FAM24B: variants seen among roughly 807,000 people sequenced by gnomAD.
FAM24B encodes the protein family with sequence similarity 24 member B.
FAM24B carries 3 observed loss-of-function variants against 2.3 expected under a neutral mutation model. The ratio of observed to expected loss-of-function variants is 1.29; its 90% CI spans 0.59 to 3.32. The LOEUF is 3.32. Among genes scored for constraint, FAM24B ranks in the 30% most tolerant of loss-of-function variants. The pLI is 0.03. For missense variants in FAM24B, 98 were observed against 117.2 expected, an observed-to-expected ratio of 0.84 and a Z score of 0.76; for synonymous variants, 36 against 46.3, an observed-to-expected ratio of 0.78 and a Z score of 0.90.
At chr10:122,872,460 C>T (rs1589677537) in intron 1 of FAM24B, among the ~76,000 whole-genome samples, 2 of 152,246 alleles carry the variant, frequency 1.3e-5, no homozygotes, top group African/African-American at 4.8e-5. Flanking sequence ...GATTATAAAT[C>T]ATGCTGCTAT....
At chr10:122,868,371 C>T (rs1847835609) in intron 1 of FAM24B, among the ~76,000 whole-genome samples, 1 of 152,178 alleles carries the variant, frequency 6.6e-6, no homozygotes, top group Admixed American at 6.5e-5. Flanking sequence ...AGGATATTAT[C>T]CAGGAGAACT....
Sources: gnomAD v4.1 joint callset for allele counts (sites outside exome capture counted in the v4.1 genomes callset) on GRCh38, gnomAD v4.1.1 for gene constraint, MANE v1.5 for transcripts, NCBI Gene and HGNC (gene_info 2026-07-23, HGNC 2026-07-21) for gene names.